Variants in MAP3K13 observed in about 807,000 individuals in gnomAD.
MAP3K13 encodes mitogen-activated protein kinase kinase kinase 13.
In MAP3K13, 52 loss-of-function variants were observed where a neutral mutation model predicts 104.0. The ratio of observed to expected loss-of-function variants is 0.50; its 90% CI spans 0.40 to 0.63. The LOEUF (loss-of-function observed/expected upper bound fraction) is 0.63, where lower values mean the gene tolerates loss of function less well. MAP3K13 is among the 20% of genes least tolerant of loss of function. The probability of loss-of-function intolerance (pLI) is 0.00; values close to 1 mark genes in which losing one functional copy is unlikely to be tolerated. For missense variants in MAP3K13, 914 were observed against 1,218.5 expected, an observed-to-expected ratio of 0.75 and a Z score of 3.72; for synonymous variants, 394 against 442.2, an observed-to-expected ratio of 0.89 and a Z score of 1.37.
At chr3:185,432,657 G>A (rs1714814315) in intron 2 of MAP3K13, among the ~76,000 whole-genome samples, 1 of 152,020 alleles carries the variant, frequency 6.6e-6, no homozygotes, top group Non-Finnish European at 1.5e-5. Flanking sequence ...GCATCACTGA[G>A]GTTCAGACTC....
At chr3:185,478,968 T>G (rs932565070) in intron 12 of MAP3K13, among the ~76,000 whole-genome samples, 3 of 152,060 alleles carry the variant, frequency 2.0e-5, no homozygotes, top group African/African-American at 4.8e-5. Flanking sequence ...GAAGTCTTTA[T>G]TATTTGTTTT....
Position 185,381,755 on chromosome 3 carries a change from T to A in MAP3K13, c.-86+18387T>A, listed in dbSNP as rs1163727709. Among the ~76,000 whole-genome samples the A allele has an allele frequency of 3.3e-5, 5 of 152,342 alleles. No homozygotes were observed. In the South Asian group the frequency reaches 8.3e-4, roughly 25 times the overall value. On this transcript the variant is annotated intron_variant, in intron 1 of 13. Transcript: ENST00000265026. ...GCATGAGTTATTGTGCAGTTGGCCA[T>A]GAGTTTGATAATAATAAATCAACAA...
chr3:185,357,999 T>C (rs1056234289), intron 2 of MAP3K13, among the ~76,000 whole-genome samples: 1 of 152,218 alleles, frequency 6.6e-6, no homozygotes, highest in Non-Finnish European at 1.5e-5. Context: ...GGCTTTAATC[T>C]TCTTAAAAGT....
chr3:185,309,594 G>A (rs938807983), intron 2 of MAP3K13, among the ~76,000 whole-genome samples: 9 of 151,806 alleles, frequency 5.9e-5, no homozygotes, highest in Middle Eastern at 3.5e-3. Flanking sequence ...ACTCTTTAGC[G>A]ATACATAATT....
chr3:185,312,544 G>C (rs957478952), intron 2 of MAP3K13, among the ~76,000 whole-genome samples: 1 of 152,196 alleles, frequency 6.6e-6, no homozygotes, highest in African/African-American at 2.4e-5. Flanking sequence ...ATACAATGCA[G>C]AGATTTCCCA....
chr3:185,421,714 G>T (rs1714143339), intron 1 of MAP3K13, among the ~76,000 whole-genome samples: 1 of 152,180 alleles, frequency 6.6e-6, no homozygotes, highest in South Asian at 2.1e-4. Context: ...TGCACAGGGA[G>T]AGAGGAACTG....
At chr3:185,447,983 C>T (rs1715685429) in intron 5 of MAP3K13, 36 bp downstream of exon 5, 5 of 1,584,156 alleles carry the variant, frequency 3.2e-6, no homozygotes, top group Non-Finnish European at 2.6e-6. Context: ...ACTAAAAAGC[C>T]TTTTCCCACT....
intron 1 of MAP3K13, among the ~76,000 whole-genome samples, chr3:185,412,548 T>C (rs1246863658): frequency 6.6e-6 from 1 of 152,222 alleles, no homozygotes; most frequent in Non-Finnish European, 1.5e-5. Flanking sequence ...ATGGCCAATC[T>C]TTGACAATTT....
chr3:185,355,301 T>C (rs1360283082), intron 2 of MAP3K13, among the ~76,000 whole-genome samples: 6 of 152,062 alleles, frequency 3.9e-5, no homozygotes, highest in Non-Finnish European at 7.4e-5. Context: ...AACCCATCTC[T>C]ACTAAAAATA....
intron 11 of MAP3K13, 153 bp from the exon 12 acceptor site, chr3:185,477,173 G>C: frequency 1.4e-6 from 1 of 704,718 alleles, no homozygotes; most frequent in South Asian, 1.5e-5. Context: ...AATGAATAAT[G>C]AGGACATGTA....
intron 1 of MAP3K13, among the ~76,000 whole-genome samples, chr3:185,377,528 C>G (rs1360191710): frequency 6.6e-6 from 1 of 152,132 alleles, no homozygotes; most frequent in African/African-American, 2.4e-5. Flanking sequence ...AATAAGGGAG[C>G]TGGGCAGGTG....
chr3:185,291,402 T>A (rs1577396819), intron 2 of MAP3K13, among the ~76,000 whole-genome samples: 1 of 152,344 alleles, frequency 6.6e-6, no homozygotes, highest in Middle Eastern at 3.4e-3. Flanking sequence ...ATCAAAGAGA[T>A]AAGCCAATGA....
chr3:185,331,460 G>A (rs2108707948), intron 2 of MAP3K13, among the ~76,000 whole-genome samples: 1 of 151,880 alleles, frequency 6.6e-6, no homozygotes, highest in Admixed American at 6.6e-5. Context: ...ATTAAAAAAT[G>A]TGTGTACATA....
At chr3:185,356,903 T>C (rs572738028) in intron 2 of MAP3K13, among the ~76,000 whole-genome samples, 20 of 152,016 alleles carry the variant, frequency 1.3e-4, no homozygotes, top group Non-Finnish European at 2.5e-4. Flanking sequence ...TGTATGTATG[T>C]ATGTATTTAT....
chr3:185,463,662 C>A lies in MAP3K13; in HGVS notation c.1388+3C>A. The A allele has an allele frequency of 1.9e-6, 3 of 1,577,906 alleles. No individual in the cohort carries two copies. The highest frequency in any genetic ancestry group is 2.2e-5 in the South Asian group (2 of 89,638). On this transcript the variant is annotated splice_donor_region_variant and intron_variant, in intron 8 of 13. Coordinates refer to ENST00000265026, the MANE Select transcript of MAP3K13 (RefSeq NM_004721.5). ...CGAAGGCGCAGAGAAGAGCTCAGGT[C>A]AGCTCATCCCTCCTTCCCCACCTCC...
intron 1 of MAP3K13, among the ~76,000 whole-genome samples, chr3:185,421,473 CA>C (rs1431440479): frequency 6.6e-6 from 1 of 152,164 alleles, no homozygotes; most frequent in Non-Finnish European, 1.5e-5. Context: ...GCTGGGATTA[CA>C]GGCATGAGCC....
intron 2 of MAP3K13, among the ~76,000 whole-genome samples, chr3:185,312,065 CAT>C (rs1721513141): frequency 1.3e-5 from 2 of 152,210 alleles, no homozygotes; most frequent in Admixed American, 1.3e-4. Flanking sequence ...TCTTTGGTAT[CAT>C]GAGTGATTTC....
intron 2 of MAP3K13, among the ~76,000 whole-genome samples, chr3:185,300,082 A>G (rs1721047308): frequency 6.6e-6 from 1 of 152,204 alleles, no homozygotes; most frequent in South Asian, 2.1e-4. Flanking sequence ...TACTTCACAT[A>G]AGTGGAATCA....
In MAP3K13 at chr3:185,433,517, C is replaced by G. The variant is rs138198027; in HGVS notation, c.476-3930C>G. 3.8e-3 allele frequency among the ~76,000 whole-genome samples: 578 copies of G among 152,278 alleles called. 4 individuals carry two copies. Among genetic ancestry groups the G allele is most frequent in the African/African-American group, 0.013 (546 of 41,550 alleles). ...TTTCTGCCATTTTCCCATTTCTGAG[C>G]TCTCTGCTCATTATTGATAGGGACT... On this transcript the variant is annotated intron_variant, in intron 2 of 13. Coordinates refer to ENST00000265026, the MANE Select transcript of MAP3K13 (RefSeq NM_004721.5).
Sources: allele counts gnomAD v4.1 joint callset (sites outside exome capture counted in the v4.1 genomes callset), GRCh38; gene constraint gnomAD v4.1.1; transcripts MANE v1.5; gene names NCBI Gene and HGNC (gene_info 2026-07-23, HGNC 2026-07-21).